The following PDXDC1 variants were observed in gnomAD, a reference collection of about 807,000 sequenced individuals.
PDXDC1 encodes the protein pyridoxal dependent decarboxylase domain containing 1, also known as pyridoxal-dependent decarboxylase domain-containing protein 1.
In PDXDC1, 42 loss-of-function variants were observed where a neutral mutation model predicts 100.1. The observed-to-expected ratio is 0.42, with a 90% confidence interval of 0.33 to 0.54. PDXDC1 has a LOEUF of 0.54. Among genes scored for constraint, PDXDC1 ranks in the 20% least tolerant of loss-of-function variants. PDXDC1 has a pLI of 0.10. For synonymous variants in PDXDC1, 260 were observed against 371.7 expected (o/e 0.70, Z 3.46); for missense variants, 636 against 979.2 (o/e 0.65, Z 4.68).
At chr16:15,056,716 C>G (rs976529969) in intron 16 of PDXDC1, among the ~76,000 whole-genome samples, 1 of 152,148 alleles carries the variant, frequency 6.6e-6, no homozygotes, top group Non-Finnish European at 1.5e-5. Context: ...TCTCTTGACC[C>G]CAGGAGTGGG....
chr16:15,081,591 T>C (rs558890580), intron 16 of PDXDC1, among the ~76,000 whole-genome samples: 2 of 152,324 alleles, frequency 1.3e-5, no homozygotes, highest in Non-Finnish European at 2.9e-5. Context: ...TTACCAGACA[T>C]AAAATTTAGA....
intron 1 of PDXDC1, among the ~76,000 whole-genome samples, chr16:14,991,289 G>GTGTGTT (rs1970751630): frequency 6.7e-6 from 1 of 148,474 alleles, no homozygotes; most frequent in Admixed American, 7.0e-5. Context: ...GTGTGTGTGT[G>GTGTGTT]TGTGTGTGTG....
downstream of PDXDC1, among the ~76,000 whole-genome samples, chr16:15,144,007 G>A (rs1195440231): frequency 6.6e-6 from 1 of 152,206 alleles, no homozygotes; most frequent in Non-Finnish European, 1.5e-5. Flanking sequence ...CACCTGCGGA[G>A]CTTATGTAAC....
At chr16:14,990,147 T>G in intron 1 of PDXDC1, 1 of 1,406,330 alleles carries the variant, frequency 7.1e-7, no homozygotes, top group Non-Finnish European at 9.2e-7. Context: ...CTTGAGCCCC[T>G]GCTGTAGCCA....
intron 16 of PDXDC1, among the ~76,000 whole-genome samples, chr16:15,075,900 G>A (rs2045433279): frequency 6.6e-6 from 1 of 152,082 alleles, no homozygotes; most frequent in Non-Finnish European, 1.5e-5. Context: ...GAGCTGCCCT[G>A]AGCAGAAAGG....
chr16:15,027,606 A>G (rs140417644), intron 14 of PDXDC1, among the ~76,000 whole-genome samples: 6,444 of 150,234 alleles, frequency 0.043, no homozygotes, highest in Non-Finnish European at 0.066. Context: ...CAGAAGGGAG[A>G]CAGATTTCCC....
chr16:14,984,315 CTTTTTTTT>C (rs1167894912), intron 1 of PDXDC1, among the ~76,000 whole-genome samples: 2 of 106,840 alleles, frequency 1.9e-5, no homozygotes, highest in African/African-American at 6.9e-5. Flanking sequence ...GCACCCCCGC[CTTTTTTTT>C]TTTTTTTTTT....
chr16:15,083,075 G>C (rs770386230), intron 16 of PDXDC1, among the ~76,000 whole-genome samples: 13 of 152,194 alleles, frequency 8.5e-5, no homozygotes, highest in Non-Finnish European at 1.8e-4. Context: ...TTAGACGTCA[G>C]TTTAAAGTCT....
intron 16 of PDXDC1, among the ~76,000 whole-genome samples, chr16:15,054,796 G>C (rs528820921): frequency 7.2e-5 from 11 of 152,142 alleles, no homozygotes; most frequent in Non-Finnish European, 1.5e-4. Context: ...ACTCTTATCT[G>C]CCTTCAGGAG....
rs1217984110 is a variant in PDXDC1 at position 15,129,371 on chromosome 16, G to A, written c.1400-9508G>A. Among the ~76,000 whole-genome samples the A allele has an allele frequency of 2.6e-5, 4 of 151,896 alleles. No individual in the cohort carries two copies. The East Asian group carries it at 6.0e-4, about 23-fold the overall frequency. On this transcript the variant is annotated intron_variant, in intron 16 of 16. Transcript: ENST00000535621. ...GGGGAATCGCTTAAACCCAGGAGCTGGAAGTTGCTGTGAGCCAAGATCACG... is the reference window on the plus strand; with the variant it reads ...GGGGAATCGCTTAAACCCAGGAGCTAGAAGTTGCTGTGAGCCAAGATCACG...
At chr16:14,994,517 G>C (rs1335848352) in intron 1 of PDXDC1, among the ~76,000 whole-genome samples, 2 of 152,294 alleles carry the variant, frequency 1.3e-5, no homozygotes, top group Non-Finnish European at 2.9e-5. Flanking sequence ...ATTGGTACCA[G>C]TACCATGCTG....
chr16:15,027,043 A>G lies in PDXDC1; in HGVS notation c.1204+337A>G, dbSNP rs1352895377. 3.3e-5 allele frequency among the ~76,000 whole-genome samples: 5 copies of G among 152,270 alleles called. No individual in the cohort carries two copies. The East Asian group carries it at 9.6e-4, about 29-fold the overall frequency. On this transcript the variant is annotated intron_variant, in intron 14 of 22. Transcript: ENST00000396410. ...TGCCCAGGAATCTGTATCTTAAAGA[A>G]TGACCCAAGTGCCACCAGTCTAGTC...
intron 5 of PDXDC1, among the ~76,000 whole-genome samples, chr16:15,004,745 A>G (rs1973900330): frequency 6.6e-6 from 1 of 152,246 alleles, no homozygotes; most frequent in Non-Finnish European, 1.5e-5. Flanking sequence ...GGATAAAAAA[A>G]TTCATGGATG....
intron 16 of PDXDC1, chr16:15,047,715 G>A (rs1462313258): frequency 1.9e-5 from 17 of 899,810 alleles, no homozygotes; most frequent in Non-Finnish European, 3.0e-5. Flanking sequence ...CAGGACACCA[G>A]GGAGACACCA....
At position 14,990,159 on chromosome 16, in the gene PDXDC1, A is replaced by G. The variant is rs1389734576; in HGVS notation, c.22-7594A>G. Reference sequence around the variant, plus strand: ...CCCCTTGAGCCCCTGCTGTAGCCACATCGGGCCGCCAGGCGCGGGCAAGGG... The same window carrying G: ...CCCCTTGAGCCCCTGCTGTAGCCACGTCGGGCCGCCAGGCGCGGGCAAGGG... On this transcript the variant is annotated intron_variant, in intron 1 of 22. Transcript: ENST00000396410. 4.4e-5 allele frequency: 61 copies of G among 1,372,972 alleles called. No homozygotes were observed. The East Asian group carries it at 1.8e-3, about 41-fold the overall frequency. The allele number at this position is 1,372,972 out of a possible 1,614,324, so 85.0% of individuals were successfully genotyped here.
chr16:15,128,283 G>T (rs1243921773), intron 16 of PDXDC1: 1 of 1,610,364 alleles, frequency 6.2e-7, no homozygotes, highest in African/African-American at 1.3e-5. Flanking sequence ...TGGCGATCCG[G>T]AAGATGTCCA....
chr16:14,986,371 A>G (rs1352150961), intron 1 of PDXDC1, among the ~76,000 whole-genome samples: 1 of 152,276 alleles, frequency 6.6e-6, no homozygotes, highest in Non-Finnish European at 1.5e-5. Context: ...CAGGAGGCTG[A>G]GGCAGCAGAA....
intron 16 of PDXDC1, chr16:15,131,457 G>A (rs961629210): frequency 6.2e-6 from 10 of 1,607,774 alleles, no homozygotes; most frequent in Non-Finnish European, 8.5e-6. Flanking sequence ...TGGAGAAGTG[G>A]CAGCCAGGCC....
At chr16:15,088,770 C>G (rs1389029560) in intron 16 of PDXDC1, among the ~76,000 whole-genome samples, 3 of 152,138 alleles carry the variant, frequency 2.0e-5, no homozygotes, top group African/African-American at 7.2e-5. Flanking sequence ...GTGACCAAGC[C>G]AACAGATAAT....
Sources: gnomAD v4.1 joint callset for allele counts (sites outside exome capture counted in the v4.1 genomes callset) on GRCh38, gnomAD v4.1.1 for gene constraint, MANE v1.5 for transcripts, NCBI Gene and HGNC (gene_info 2026-07-23, HGNC 2026-07-21) for gene names.